The following SCART1 variants were observed in gnomAD, a reference collection of about 807,000 sequenced individuals.
SCART1 encodes scavenger receptor family member expressed on T cells 1.
Under a neutral mutation model 36.2 loss-of-function variants are expected in SCART1, and 62 were observed. The ratio of observed to expected loss-of-function variants is 1.71; its 90% CI spans 1.40 to 2.12. The LOEUF is 2.12. Among genes scored for constraint, SCART1 ranks in the 30% most tolerant of loss-of-function variants. The pLI, the probability that SCART1 is intolerant of heterozygous loss-of-function variation, is 0.00. For missense variants in SCART1, 1,041 were observed against 540.5 expected (o/e 1.93, Z -9.18); for synonymous variants, 487 against 238.7 (o/e 2.04, Z -9.59).
chr10:133,467,212 G>A (rs138085539), exon 11 of SCART1: 11 of 700,950 alleles, frequency 1.6e-5, no homozygotes, highest in South Asian at 3.0e-5. Context: ...GGGAAGATCC[G>A]AGGTATCTCC....
intron 4 of SCART1, 160 bp from the exon 5 acceptor site, chr10:133,458,861 G>A (rs1479593876): frequency 1.6e-6 from 1 of 639,738 alleles, no homozygotes; most frequent in African/African-American, 1.8e-5. Context: ...CTGGAGAGCT[G>A]TGTGAGCTGG....
At chr10:133,455,820 G>A (rs1023425001) in intron 1 of SCART1, among the ~76,000 whole-genome samples, 1 of 152,052 alleles carries the variant, frequency 6.6e-6, no homozygotes, top group African/African-American at 2.4e-5. Flanking sequence ...GGTGAGCGGG[G>A]CACTCCAAGG....
intron 7 of SCART1, 31 bp from the exon 8 acceptor site, chr10:133,465,075 G>A (rs773002437): frequency 7.1e-6 from 5 of 702,820 alleles, no homozygotes; most frequent in East Asian, 2.7e-5. Flanking sequence ...TCTGGGCACC[G>A]AAGCTCTCAG....
At chr10:133,466,471 C>T (rs1361066752) in intron 10 of SCART1, 90 bp downstream of exon 10, 5 of 647,454 alleles carry the variant, frequency 7.7e-6, no homozygotes, top group Admixed American at 4.7e-5. Context: ...TCTGGGCAGG[C>T]GGGGTGCCCC....
chr10:133,458,642 G>GGCTCAGGT lies in SCART1; in HGVS notation c.975_979+3dup. ...CAGTGTGGGCATGGTCACGACGCGG[G>GGCTCAGGT]GCTCAGGTGCTCAGGTGAAGTCCTG... On this transcript the variant is annotated frameshift_variant, in exon 4 of 12. Coordinates refer to ENST00000640237, the Ensembl canonical transcript of SCART1. LOFTEE classifies it high-confidence loss of function. The GGCTCAGGT allele has an allele frequency of 1.0e-5, 7 of 700,232 alleles. No homozygotes were observed. The highest frequency in any genetic ancestry group is 8.9e-5 in the South Asian group (6 of 67,438). The allele number at this position is 700,232 out of a possible 1,614,324, so 43.4% of individuals were successfully genotyped here.
intron 6 of SCART1, among the ~76,000 whole-genome samples, chr10:133,462,723 G>A (rs539116584): frequency 1.3e-5 from 2 of 152,278 alleles, no homozygotes; most frequent in African/African-American, 2.4e-5. Flanking sequence ...GGCCCTGGCT[G>A]AAGGCAGGAG....
At chr10:133,459,781 G>T (rs1203303173) in exon 6 of SCART1, 2 of 677,694 alleles carry the variant, frequency 3.0e-6, no homozygotes, top group Non-Finnish European at 5.4e-6. Context: ...GGGACCTCGC[G>T]GGACGCCGGC....
chr10:133,457,464 A>C (rs1216048754), exon 3 of SCART1: 2 of 702,674 alleles, frequency 2.8e-6, no homozygotes, highest in Non-Finnish European at 5.2e-6. Flanking sequence ...GGGCGTCGTC[A>C]GGAAGTACCT....
At chr10:133,469,469 C>G (rs754986044), downstream of SCART1, among the ~76,000 whole-genome samples, 1 of 152,120 alleles carries the variant, frequency 6.6e-6, no homozygotes, top group Non-Finnish European at 1.5e-5. Context: ...TGGAAAACAT[C>G]ATTCTCAGCA....
At chr10:133,457,203 CT>C in intron 2 of SCART1, 75 bp from the exon 3 acceptor site, 1 of 677,366 alleles carries the variant, frequency 1.5e-6, no homozygotes, top group Admixed American at 2.3e-5. Flanking sequence ...ACTGTCCTCC[CT>C]GAAAAAGGAG....
At chr10:133,456,268 A>T in exon 2 of SCART1, 2 of 702,826 alleles carry the variant, frequency 2.8e-6, no homozygotes, top group Non-Finnish European at 5.2e-6. Context: ...TGGCGTACAG[A>T]CACAGCACGT....
chr10:133,454,128 C>A, intron 1 of SCART1, 64 bp downstream of exon 1: 1 of 701,534 alleles, frequency 1.4e-6, no homozygotes, highest in Non-Finnish European at 2.6e-6. Context: ...GATGCCCAGG[C>A]CCCGGGGCAT....
chr10:133,460,496 A>ATATATATATATATATATATATT lies in SCART1; in HGVS notation c.1969+327_1969+328insATATATATATATATATATATTT. On this transcript the variant is annotated intron_variant, in intron 6 of 11. Coordinates refer to ENST00000640237, the Ensembl canonical transcript of SCART1. ...CATATATATATATATATATTTATAT[A>ATATATATATATATATATATATT]TTTTAAAAAATATTTTATATTTATT... 2.9e-5 allele frequency among the ~76,000 whole-genome samples: 4 copies of ATATATATATATATATATATATT among 136,006 alleles called. No homozygotes were observed. In the South Asian group the frequency reaches 1.1e-3, roughly 37 times the overall value. The allele number at this position is 136,006 out of a possible 152,430, so 89.2% of individuals were successfully genotyped here.
intron 4 of SCART1, 156 bp downstream of exon 4, chr10:133,458,812 AGTGATGTACCCCAAGG>A (rs1024714259): frequency 2.4e-5 from 16 of 665,484 alleles, no homozygotes; most frequent in Admixed American, 1.6e-4. Flanking sequence ...CTGGGTGTAG[AGTGATGTACCCCAAGG>A]CTGCAGCTAA....
chr10:133,456,262 G>A lies in SCART1; in HGVS notation c.93G>A (p.Ala31=), dbSNP rs569756949. The A allele has an allele frequency of 9.3e-4, 652 of 702,784 alleles. 5 individuals carry two copies. The South Asian group carries it at 9.3e-3, about 10-fold the overall frequency. The allele number at this position is 702,784 out of a possible 1,614,324, so 43.5% of individuals were successfully genotyped here. ...GTGGACCAGGTGCTCTGAGGCTGGC[G>A]TACAGACACAGCACGTGCGACGGAG... Residue 31 remains alanine (A), a synonymous_variant, in exon 2 of 12, where the codon GCG becomes GCA. Coordinates refer to ENST00000640237, the Ensembl canonical transcript of SCART1.
In SCART1 at chr10:133,460,171, G is replaced by A; in HGVS notation, c.1969+1G>A. Reference sequence around the variant, plus strand: ...GAGGACGCCGGCGTCTTCTGCTCAGGTGAGCGGCCGTTGGGTATGGAATGA... The same window carrying A: ...GAGGACGCCGGCGTCTTCTGCTCAGATGAGCGGCCGTTGGGTATGGAATGA... On this transcript the variant is annotated splice_donor_variant, in intron 6 of 11. Transcript: ENST00000640237. LOFTEE classifies it high-confidence loss of function. 4.1e-6 allele frequency: 2 copies of A among 493,240 alleles called. No individual in the cohort carries two copies. Among genetic ancestry groups the A allele is most frequent in the Non-Finnish European group, 7.1e-6 (2 of 282,350 alleles). 30.6% of individuals were successfully genotyped at this position (493,240 alleles called of 1,614,324 possible).
At position 133,456,561 on chromosome 10, in the gene SCART1, A is replaced by C; in HGVS notation, c.385+7A>C. On this transcript the variant is annotated splice_region_variant and intron_variant, in intron 2 of 11. Transcript: ENST00000640237. ...GTGGTCGCGCTGTGCTCCAGTAAGTAGGGAGGAGTGAAGGGGACGGGGCTG... is the reference window on the plus strand; with the variant it reads ...GTGGTCGCGCTGTGCTCCAGTAAGTCGGGAGGAGTGAAGGGGACGGGGCTG... The C allele has an allele frequency of 1.5e-6, 1 of 650,818 alleles. No homozygotes were observed. Among genetic ancestry groups the C allele is most frequent in the African/African-American group, 1.8e-5 (1 of 56,188 alleles). 40.3% of individuals were successfully genotyped at this position (650,818 alleles called of 1,614,324 possible).
chr10:133,469,531 G>A (rs1488548276), downstream of SCART1, among the ~76,000 whole-genome samples: 1 of 152,064 alleles, frequency 6.6e-6, no homozygotes, highest in East Asian at 1.9e-4. Context: ...CTCATAAGTG[G>A]GAGTTGAACA....
Position 133,465,220 on chromosome 10 carries a change from G to GC in SCART1, c.2345-26dup, listed in dbSNP as rs559600495. On this transcript the variant is annotated intron_variant, in intron 8 of 11. Coordinates refer to ENST00000640237, the Ensembl canonical transcript of SCART1. The stretch of plus-strand genomic sequence containing the variant: ...CTGTCCTCCTTCCCATCCCGGTCCA[G>GC]CCCCCGCAGTGACCGCAGCCCCTTT... 3.0e-4 allele frequency: 209 copies of GC among 701,742 alleles called. 2 individuals are homozygous for GC. The highest frequency in any genetic ancestry group is 3.0e-3 in the South Asian group (200 of 67,502). The allele number at this position is 701,742 out of a possible 1,614,324, so 43.5% of individuals were successfully genotyped here.
Sources: allele counts gnomAD v4.1 joint callset (sites outside exome capture counted in the v4.1 genomes callset), GRCh38; gene constraint gnomAD v4.1.1; transcripts MANE v1.5; gene names NCBI Gene and HGNC (gene_info 2026-07-23, HGNC 2026-07-21).